The following GPHN variants were observed in gnomAD, a reference collection of about 807,000 sequenced individuals.
GPHN encodes gephyrin.
A neutral mutation model predicts 95.5 loss-of-function variants in GPHN; 17 were observed. The ratio of observed to expected loss-of-function variants is 0.18; its 90% CI spans 0.12 to 0.27. The LOEUF (loss-of-function observed/expected upper bound fraction) is 0.27, where lower values mean the gene tolerates loss of function less well. GPHN is among the 10% of genes least tolerant of loss of function. The pLI is 1.00. For synonymous variants in GPHN, 320 were observed against 322.5 expected (o/e 0.99, Z 0.08); for missense variants, 660 against 978.1 (o/e 0.67, Z 4.34).
At chr14:66,958,401 C>T (rs2068676110) in intron 8 of GPHN, among the ~76,000 whole-genome samples, 1 of 152,154 alleles carries the variant, frequency 6.6e-6, no homozygotes, top group Non-Finnish European at 1.5e-5. Flanking sequence ...TTGTAGATAG[C>T]ATAGACAATC....
chr14:66,644,046 G>T (rs998568852), intron 1 of GPHN, among the ~76,000 whole-genome samples: 5 of 151,928 alleles, frequency 3.3e-5, no homozygotes, highest in African/African-American at 1.2e-4. Flanking sequence ...CTTTACATTA[G>T]TTCTTTCAAT....
At chr14:67,108,990 G>A (rs1248546389) in intron 13 of GPHN, among the ~76,000 whole-genome samples, 3 of 152,088 alleles carry the variant, frequency 2.0e-5, no homozygotes, top group East Asian at 1.9e-4. Context: ...ATCATAGAGT[G>A]TACTTACACA....
chr14:66,845,841 GTGTGTGTGTGTGTGTGTGTC>G (rs1567012704), intron 4 of GPHN, among the ~76,000 whole-genome samples: 4 of 151,544 alleles, frequency 2.6e-5, no homozygotes, highest in African/African-American at 4.8e-5. Context: ...GTGTGTGTGT[GTGTGTGTGTGTGTGTGTGTC>G]TGTGTGCGTG....
chr14:66,851,311 G>A (rs1035741297), intron 4 of GPHN, among the ~76,000 whole-genome samples: 2 of 151,518 alleles, frequency 1.3e-5, no homozygotes, highest in Non-Finnish European at 2.9e-5. Flanking sequence ...ATCCTCAAGT[G>A]TAACTACAAC....
chr14:66,807,250 C>T (rs922006974), intron 3 of GPHN, among the ~76,000 whole-genome samples: 2 of 152,146 alleles, frequency 1.3e-5, no homozygotes, highest in Admixed American at 6.5e-5. Context: ...ATTCAATTAC[C>T]TCCCACCAGG....
In GPHN at chr14:67,165,153, T is replaced by A. The variant is rs769230946; in HGVS notation, c.1911-9T>A. The A allele has an allele frequency of 2.5e-6, 4 of 1,598,990 alleles. No individual in the cohort carries two copies. In the East Asian group the frequency reaches 6.7e-5, roughly 27 times the overall value. ...CAATCACTAACAAGTGACTCTTTTT[T>A]TCTTCTAGCTTGCCAACAACATTTG... On this transcript the variant is annotated splice_polypyrimidine_tract_variant and intron_variant, in intron 19 of 22. Coordinates refer to ENST00000478722, the MANE Select transcript of GPHN (RefSeq NM_020806.5).
chr14:67,441,238 C>A, the GPHN span, among the ~76,000 whole-genome samples: 1 of 152,168 alleles, frequency 6.6e-6, no homozygotes, highest in Non-Finnish European at 1.5e-5. Flanking sequence ...ATGCTCTGAT[C>A]CTCCAGGTCC....
chr14:67,392,752 G>A, the GPHN span: 2 of 1,614,130 alleles, frequency 1.2e-6, no homozygotes, highest in Middle Eastern at 3.3e-4. Context: ...CCACAGGCCT[G>A]AGGAAGTTCT....
intron 1 of GPHN, among the ~76,000 whole-genome samples, chr14:66,550,287 G>A (rs1342841144): frequency 6.6e-6 from 1 of 152,160 alleles, no homozygotes; most frequent in African/African-American, 2.4e-5. Context: ...ACAGTAATTT[G>A]GAAGAAGTTG....
chr14:66,587,090 G>T (rs983633308), intron 1 of GPHN, among the ~76,000 whole-genome samples: 5 of 151,340 alleles, frequency 3.3e-5, no homozygotes, highest in African/African-American at 1.2e-4. Flanking sequence ...CAGATGACAA[G>T]AGACTACTGT....
the GPHN span, among the ~76,000 whole-genome samples, chr14:67,375,436 AG>A: frequency 6.6e-6 from 1 of 151,684 alleles, no homozygotes; most frequent in Non-Finnish European, 1.5e-5. Flanking sequence ...CTCAGTTCTT[AG>A]TGGTACTGTT....
At chr14:66,591,166 A>AG (rs1396444219) in intron 1 of GPHN, among the ~76,000 whole-genome samples, 3 of 152,188 alleles carry the variant, frequency 2.0e-5, no homozygotes, top group Non-Finnish European at 2.9e-5. Flanking sequence ...CAAAATAATA[A>AG]GTGCTATTTA....
chr14:67,221,841 G>T, the GPHN span: 1 of 1,609,594 alleles, frequency 6.2e-7, no homozygotes, highest in South Asian at 1.1e-5. Flanking sequence ...GTTTTATTGT[G>T]ATCCCTGGTA....
At chr14:67,351,009 C>T in the GPHN span, among the ~76,000 whole-genome samples, 2 of 152,160 alleles carry the variant, frequency 1.3e-5, no homozygotes, top group African/African-American at 4.8e-5. Context: ...AAATTCACTG[C>T]AGTTGCAGTC....
At chr14:66,670,743 G>T (rs947400484) in intron 1 of GPHN, among the ~76,000 whole-genome samples, 1 of 152,164 alleles carries the variant, frequency 6.6e-6, no homozygotes, top group African/African-American at 2.4e-5. Flanking sequence ...AGTGAGCCGA[G>T]ATCGCACCAC....
intron 4 of GPHN, among the ~76,000 whole-genome samples, chr14:66,851,427 A>C (rs984871119): frequency 6.6e-6 from 1 of 152,054 alleles, no homozygotes; most frequent in Admixed American, 6.6e-5. Context: ...CGAACTTTGT[A>C]TAAGTGGAAC....
chr14:66,965,731 C>T (rs1328763866), intron 9 of GPHN, among the ~76,000 whole-genome samples: 2 of 152,152 alleles, frequency 1.3e-5, no homozygotes, highest in Admixed American at 6.5e-5. Context: ...CTTGTCCGGG[C>T]TGGGGTAGCT....
chr14:66,615,473 C>CTT (rs59401816), intron 1 of GPHN, among the ~76,000 whole-genome samples: 10 of 135,914 alleles, frequency 7.4e-5, no homozygotes, highest in East Asian at 2.1e-4. Context: ...TGGTGTTGAG[C>CTT]TTTTTTTTTT....
chr14:67,497,082 G>A, the GPHN span, among the ~76,000 whole-genome samples: 1 of 150,666 alleles, frequency 6.6e-6, no homozygotes, highest in Non-Finnish European at 1.5e-5. Flanking sequence ...CTGAGCCACC[G>A]TGCCTTTCTT....
Sources: gnomAD v4.1 joint callset for allele counts (sites outside exome capture counted in the v4.1 genomes callset) on GRCh38, gnomAD v4.1.1 for gene constraint, MANE v1.5 for transcripts, NCBI Gene and HGNC (gene_info 2026-07-23, HGNC 2026-07-21) for gene names.